Variants in UBE2E2 observed in about 807,000 individuals in gnomAD.
UBE2E2 encodes ubiquitin conjugating enzyme E2 E2, also known as ubiquitin-conjugating enzyme E2 E2.
Under a neutral mutation model 24.7 loss-of-function variants are expected in UBE2E2, and 6 were observed. The observed-to-expected ratio is 0.24, with a 90% CI of 0.13 to 0.48. The LOEUF (loss-of-function observed/expected upper bound fraction) is 0.48. UBE2E2 is among the 20% of genes least tolerant of loss of function. The pLI is 0.99. For missense variants in UBE2E2, 169 were observed against 245.0 expected (o/e 0.69, Z 2.07); for synonymous variants, 104 against 83.6 (o/e 1.24, Z -1.33).
intron 3 of UBE2E2, among the ~76,000 whole-genome samples, chr3:23,382,923 G>A (rs565024581): frequency 6.6e-6 from 1 of 152,198 alleles, no homozygotes; most frequent in Admixed American, 6.5e-5. Flanking sequence ...GGAGGTAAGA[G>A]TCAGGAGGAA....
At chr3:23,556,585 C>T (rs927215139) in intron 5 of UBE2E2, among the ~76,000 whole-genome samples, 3 of 151,638 alleles carry the variant, frequency 2.0e-5, no homozygotes, top group Admixed American at 6.6e-5. Flanking sequence ...AAGATGAAAG[C>T]GGTATTGTGG....
At chr3:23,239,204 T>C (rs1009015517) in intron 3 of UBE2E2, among the ~76,000 whole-genome samples, 5 of 152,164 alleles carry the variant, frequency 3.3e-5, no homozygotes, top group Admixed American at 1.3e-4. Context: ...ATTATGGAAC[T>C]ACTAAGTTAT....
intron 3 of UBE2E2, among the ~76,000 whole-genome samples, chr3:23,258,900 GAAAAAAAAAAAAAAA>G (rs11333992): frequency 1.3e-5 from 1 of 78,904 alleles, no homozygotes; most frequent in African/African-American, 4.4e-5. Flanking sequence ...CTCAAAAAAA[GAAAAAAAAAAAAAAA>G]AAAAAAAAAG....
At chr3:23,413,858 G>C (rs150800240) in intron 3 of UBE2E2, among the ~76,000 whole-genome samples, 3 of 152,170 alleles carry the variant, frequency 2.0e-5, no homozygotes, top group African/African-American at 7.2e-5. Flanking sequence ...AACAAATGAG[G>C]AATCATTCCA....
intron 3 of UBE2E2, among the ~76,000 whole-genome samples, chr3:23,348,346 T>TC (rs1371477445): frequency 5.4e-5 from 4 of 74,152 alleles, no homozygotes; most frequent in Non-Finnish European, 1.2e-4. Context: ...TGTGCTGCTT[T>TC]CAAAAAAAAA....
intron 3 of UBE2E2, among the ~76,000 whole-genome samples, chr3:23,484,021 A>G (rs1464781088): frequency 1.3e-5 from 2 of 152,200 alleles, no homozygotes; most frequent in Non-Finnish European, 2.9e-5. Context: ...TCCTAGGAGC[A>G]ACAAATTTGA....
chr3:23,295,284 TTTTG>T (rs1698879842), intron 3 of UBE2E2, among the ~76,000 whole-genome samples: 2 of 152,228 alleles, frequency 1.3e-5, no homozygotes, highest in African/African-American at 4.8e-5. Context: ...TCCTTGCTTT[TTTTG>T]TTTATTTTTT....
chr3:23,267,317 TAAAG>T (rs1462802498), intron 3 of UBE2E2, among the ~76,000 whole-genome samples: 9 of 151,276 alleles, frequency 5.9e-5, no homozygotes, highest in Non-Finnish European at 1.0e-4. Flanking sequence ...GCAAGACTAA[TAAAG>T]AAGAAAAGAG....
chr3:23,319,245 T>C (rs1286642033), intron 3 of UBE2E2, among the ~76,000 whole-genome samples: 1 of 152,208 alleles, frequency 6.6e-6, no homozygotes, highest in Non-Finnish European at 1.5e-5. Flanking sequence ...TGTTTATTTA[T>C]TTATTAATTT....
intron 3 of UBE2E2, among the ~76,000 whole-genome samples, chr3:23,369,727 C>T (rs965369333): frequency 6.6e-6 from 1 of 152,130 alleles, no homozygotes; most frequent in Non-Finnish European, 1.5e-5. Flanking sequence ...CATTAAGGTC[C>T]TATGAGTCTC....
At chr3:23,348,158 C>G (rs1022963397) in intron 3 of UBE2E2, among the ~76,000 whole-genome samples, 1 of 152,036 alleles carries the variant, frequency 6.6e-6, no homozygotes, top group Non-Finnish European at 1.5e-5. Context: ...AAGGAGGTCA[C>G]TATATCTCAA....
intron 3 of UBE2E2, among the ~76,000 whole-genome samples, chr3:23,217,759 A>G (rs762995053): frequency 3.9e-5 from 6 of 152,020 alleles, no homozygotes; most frequent in Non-Finnish European, 7.4e-5. Context: ...TCTTGTCGTC[A>G]TTGGTTGTGA....
At chr3:23,524,710 GC>G (rs1694952251) in intron 4 of UBE2E2, among the ~76,000 whole-genome samples, 4 of 152,246 alleles carry the variant, frequency 2.6e-5, no homozygotes, top group Admixed American at 6.5e-5. Flanking sequence ...GTTCTTTTAT[GC>G]TTTAGTCAAC....
intron 3 of UBE2E2, among the ~76,000 whole-genome samples, chr3:23,469,397 A>G (rs1405241843): frequency 6.6e-6 from 1 of 152,212 alleles, no homozygotes; most frequent in East Asian, 1.9e-4. Flanking sequence ...TCTACAGGAA[A>G]CAGTTGTAAC....
chr3:23,435,033 T>C (rs541211217), intron 3 of UBE2E2, among the ~76,000 whole-genome samples: 22 of 152,356 alleles, frequency 1.4e-4, no homozygotes, highest in Non-Finnish European at 2.5e-4. Flanking sequence ...AAACTCTTGT[T>C]AATTCTCCTT....
At chr3:23,245,774 C>CT (rs1697377831) in intron 3 of UBE2E2, among the ~76,000 whole-genome samples, 1 of 152,124 alleles carries the variant, frequency 6.6e-6, no homozygotes, top group Admixed American at 6.5e-5. Flanking sequence ...TTTATGAGGT[C>CT]TACCAAATAA....
At chr3:23,521,645 C>T (rs1044897117) in intron 4 of UBE2E2, among the ~76,000 whole-genome samples, 1 of 152,306 alleles carries the variant, frequency 6.6e-6, no homozygotes, top group East Asian at 1.9e-4. Flanking sequence ...CCAATCCGGG[C>T]CCAGGATGGC....
At chr3:23,426,379 C>T (rs1490057420) in intron 3 of UBE2E2, among the ~76,000 whole-genome samples, 1 of 145,878 alleles carries the variant, frequency 6.9e-6, no homozygotes, top group Non-Finnish European at 1.5e-5. Flanking sequence ...CACACTAAAC[C>T]ACAGATTCAG....
At chr3:23,523,949 G>T (rs1369542624) in intron 4 of UBE2E2, among the ~76,000 whole-genome samples, 1 of 148,366 alleles carries the variant, frequency 6.7e-6, no homozygotes, top group African/African-American at 2.5e-5. Context: ...TGGCATGGGG[G>T]CTTCAAATAT....
Sources: allele counts gnomAD v4.1 joint callset (sites outside exome capture counted in the v4.1 genomes callset), GRCh38; gene constraint gnomAD v4.1.1; transcripts MANE v1.5; gene names NCBI Gene and HGNC (gene_info 2026-07-23, HGNC 2026-07-21).